Variants in LDLRAD4 observed in about 807,000 individuals in gnomAD.
The protein encoded by LDLRAD4 is low-density lipoprotein receptor class A domain-containing protein 4.
LDLRAD4 carries 5 observed loss-of-function variants against 17.0 expected under a neutral mutation model. That is an observed-to-expected ratio of 0.29 (90% CI 0.15 to 0.62). The LOEUF is 0.62. LDLRAD4 is among the 20% of genes least tolerant of loss of function. The pLI is 0.84. For synonymous variants in LDLRAD4, 168 were observed against 171.8 expected (o/e 0.98, Z 0.17); for missense variants, 340 against 424.7 (o/e 0.80, Z 1.75).
intron 3 of LDLRAD4, among the ~76,000 whole-genome samples, chr18:13,609,800 C>T (rs2039318702): frequency 6.6e-6 from 1 of 152,092 alleles, no homozygotes; most frequent in Admixed American, 6.5e-5. Flanking sequence ...TGGTGAAACC[C>T]CATCTCTACT....
chr18:13,247,481 C>G (rs1368859951), intron 1 of LDLRAD4, among the ~76,000 whole-genome samples: 1 of 152,166 alleles, frequency 6.6e-6, no homozygotes, highest in African/African-American at 2.4e-5. Context: ...TGCATCTAAC[C>G]ACTGCTTTTT....
chr18:13,529,285 C>G (rs2094088703), intron 3 of LDLRAD4, among the ~76,000 whole-genome samples: 1 of 152,216 alleles, frequency 6.6e-6, no homozygotes, highest in South Asian at 2.1e-4. Context: ...TTGGGAGATT[C>G]AGGTTCTCTC....
chr18:13,612,697 A>G (rs201769777), intron 3 of LDLRAD4: 1 of 1,613,920 alleles, frequency 6.2e-7, no homozygotes, highest in Non-Finnish European at 8.5e-7. Context: ...CTTGCAGAGG[A>G]CCTGATTATG....
chr18:13,375,514 T>G (rs998213313), intron 1 of LDLRAD4, among the ~76,000 whole-genome samples: 2 of 152,110 alleles, frequency 1.3e-5, no homozygotes, highest in African/African-American at 4.8e-5. Flanking sequence ...GGGCTGGAAA[T>G]GAGGGCCTGC....
chr18:13,508,307 G>A (rs373590028), intron 3 of LDLRAD4, among the ~76,000 whole-genome samples: 1 of 152,354 alleles, frequency 6.6e-6, no homozygotes. Context: ...AAGTGCTGGG[G>A]TAGAAGCTGC....
intron 1 of LDLRAD4, among the ~76,000 whole-genome samples, chr18:13,253,563 G>A (rs188153822): frequency 6.6e-6 from 1 of 152,250 alleles, no homozygotes; most frequent in African/African-American, 2.4e-5. Flanking sequence ...GACACATGGT[G>A]CTAATGGGGT....
chr18:13,490,777 T>C (rs888614704), intron 3 of LDLRAD4: 3 of 152,202 alleles, frequency 2.0e-5, no homozygotes, highest in African/African-American at 7.2e-5. Context: ...ATTAAAAGCA[T>C]GCAGCATGGC....
intron 1 of LDLRAD4, among the ~76,000 whole-genome samples, chr18:13,294,398 A>T (rs1194887967): frequency 6.6e-6 from 1 of 152,240 alleles, no homozygotes; most frequent in Non-Finnish European, 1.5e-5. Context: ...CTCGACCTGA[A>T]TGCATGGCAA....
chr18:13,459,808 A>G (rs1233802953), intron 3 of LDLRAD4: 2 of 153,392 alleles, frequency 1.3e-5, no homozygotes, highest in Admixed American at 6.5e-5. Flanking sequence ...TTCCAGGTCT[A>G]CATTTTCTCA....
intron 3 of LDLRAD4, among the ~76,000 whole-genome samples, chr18:13,452,429 G>A (rs570355807): frequency 2.6e-5 from 4 of 152,242 alleles, no homozygotes; most frequent in African/African-American, 9.6e-5. Context: ...AAGGTGGTGG[G>A]TGCACTAGAG....
intron 3 of LDLRAD4, among the ~76,000 whole-genome samples, chr18:13,606,616 T>C (rs1408603949): frequency 6.6e-6 from 1 of 152,224 alleles, no homozygotes; most frequent in Admixed American, 6.5e-5. Flanking sequence ...TAGAAGATTA[T>C]TCCATGTTAT....
chr18:13,620,929 C>T (rs1295020434), intron 3 of LDLRAD4, 188 bp from the exon 5 acceptor site: 2 of 792,066 alleles, frequency 2.5e-6, no homozygotes, highest in East Asian at 2.5e-5. Flanking sequence ...GTTTGCACAG[C>T]CTCCCGACTG....
chr18:13,629,681 C>T (rs1001511831), intron 4 of LDLRAD4, among the ~76,000 whole-genome samples: 1 of 151,288 alleles, frequency 6.6e-6, no homozygotes, highest in African/African-American at 2.4e-5. Context: ...TTATAGTAAT[C>T]TTTTAAATAT....
intron 1 of LDLRAD4, among the ~76,000 whole-genome samples, chr18:13,349,132 T>C (rs979243816): frequency 6.6e-6 from 1 of 152,232 alleles, no homozygotes; most frequent in Non-Finnish European, 1.5e-5. Context: ...TACCACAGTT[T>C]GAAATGCAGA....
At chr18:13,456,762 G>T (rs1317148452) in intron 3 of LDLRAD4, among the ~76,000 whole-genome samples, 1 of 152,190 alleles carries the variant, frequency 6.6e-6, no homozygotes, top group Non-Finnish European at 1.5e-5. Context: ...TTGCAGACAT[G>T]AACCAATGTA....
chr18:13,440,495 T>C lies in LDLRAD4; in HGVS notation c.181+2111T>C, dbSNP rs1425467923. Among the ~76,000 whole-genome samples, 5 of 152,262 alleles carry C rather than the reference T, an allele frequency of 3.3e-5. No homozygotes were observed. Among genetic ancestry groups the C allele is most frequent in the Admixed American group, 6.5e-5 (1 of 15,302 alleles). ...CTACTGTTCAGATATGACTAGAACT[T>C]TTGTCTTTATAGCTAAAATGGGATA... is the stretch of plus-strand genomic sequence containing the variant. On this transcript the variant is annotated intron_variant, in intron 3 of 5. Transcript: ENST00000359446. This position sits in a 1 kb window ranked among gnomAD's most constrained non-coding sequence, Gnocchi z 4.4.
chr18:13,369,818 G>A (rs1157605708), intron 1 of LDLRAD4, among the ~76,000 whole-genome samples: 3 of 152,148 alleles, frequency 2.0e-5, no homozygotes, highest in Admixed American at 6.5e-5. Context: ...TAAACTCCAC[G>A]TGGGCTTACG....
chr18:13,642,271 C>A (rs114782013), intron 4 of LDLRAD4: 3 of 987,862 alleles, frequency 3.0e-6, no homozygotes, highest in Admixed American at 6.1e-5. Flanking sequence ...TGGCCCAGCC[C>A]GCCCGTTTCC....
intron 3 of LDLRAD4, among the ~76,000 whole-genome samples, chr18:13,559,923 G>C (rs538096309): frequency 1.3e-5 from 2 of 152,126 alleles, no homozygotes; most frequent in Admixed American, 1.3e-4. Context: ...ACCAAGAAGT[G>C]CCTATCTTCA....
Sources: allele counts gnomAD v4.1 joint callset (sites outside exome capture counted in the v4.1 genomes callset), GRCh38; gene constraint gnomAD v4.1.1; non-coding constraint Gnocchi (gnomAD v3.1); transcripts MANE v1.5; gene names NCBI Gene and HGNC (gene_info 2026-07-23, HGNC 2026-07-21).